MPC2: variants seen among roughly 807,000 people sequenced by gnomAD.
MPC2 encodes the protein mitochondrial pyruvate carrier 2.
MPC2 carries 19 observed loss-of-function variants against 19.2 expected under a neutral mutation model. The observed-to-expected ratio is 0.99, with a 90% CI of 0.69 to 1.45. MPC2 has a LOEUF of 1.45. MPC2 is among the 40% of genes most tolerant of loss of function. The probability of loss-of-function intolerance (pLI) is 0.00; values close to 1 mark genes in which losing one functional copy is unlikely to be tolerated. For missense variants in MPC2, 122 were observed against 153.0 expected (o/e 0.80, Z 1.07); for synonymous variants, 61 against 54.3 (o/e 1.12, Z -0.54).
At chr1:167,928,319 G>GAA (rs34157542) in intron 2 of MPC2, among the ~76,000 whole-genome samples, 65 of 91,474 alleles carry the variant, frequency 7.1e-4, no homozygotes, top group African/African-American at 1.7e-3. Flanking sequence ...CTGCACTCCA[G>GAA]AAAAAAAAAA....
At position 167,920,021 on chromosome 1, in the gene MPC2, A is replaced by G; in HGVS notation, c.305T>C (p.Phe102Ser). The G allele has an allele frequency of 6.2e-7, 1 of 1,613,794 alleles. No homozygotes were observed. The highest frequency in any genetic ancestry group is 8.5e-7 in the Non-Finnish European group (1 of 1,179,828). The part of the protein sequence containing the change: ...KNWSLFAVNF[F>S]VGAAGASQLF... ...CTGAGAGGCTCCTGCTGCCCCCACAAAGAAATTAACAGCAAACAGACTCCA... is the reference window on the plus strand; with the variant it reads ...CTGAGAGGCTCCTGCTGCCCCCACAGAGAAATTAACAGCAAACAGACTCCA... Residue 102 changes from phenylalanine to serine, a missense_variant, in exon 5 of 6, where the codon TTT becomes TCT. Coordinates refer to ENST00000271373, the MANE Select transcript of MPC2 (RefSeq NM_001143674.4).
chr1:167,936,706 GGA>G, intron 1 of MPC2: 1 of 575,010 alleles, frequency 1.7e-6, no homozygotes, highest in Non-Finnish European at 3.1e-6. Context: ...AGTCTAAGAA[GGA>G]GAGTATGAGG....
At chr1:167,924,453 A>G (rs1172019167) in intron 3 of MPC2, 44 bp downstream of exon 3, 18 of 1,530,986 alleles carry the variant, frequency 1.2e-5, no homozygotes, top group Non-Finnish European at 1.6e-5. Flanking sequence ...ATTCCTATTA[A>G]GGAATTTGTC....
chr1:167,918,224 TA>T lies in MPC2; in HGVS notation c.*98del. On this transcript the variant is annotated 3_prime_UTR_variant, in exon 6 of 6. Transcript: ENST00000271373. ...ACTAGCTACCAGTTACAGTGCCTTC[TA>T]AACACACAGTTAGCTTTGCTTTATC... The T allele has an allele frequency of 1.0e-6, 1 of 985,742 alleles. No homozygotes were observed. The highest frequency in any genetic ancestry group is 1.5e-6 in the Non-Finnish European group (1 of 661,936). 61.1% of individuals were successfully genotyped at this position (985,742 alleles called of 1,614,324 possible).
chr1:167,932,902 C>T (rs1670951186), intron 2 of MPC2, among the ~76,000 whole-genome samples: 1 of 151,380 alleles, frequency 6.6e-6, no homozygotes, highest in Admixed American at 6.6e-5. Context: ...CACTGGAGTA[C>T]AGCTATGCAA....
At chr1:167,934,809 C>A (rs189911607) in intron 2 of MPC2, among the ~76,000 whole-genome samples, 8 of 152,296 alleles carry the variant, frequency 5.3e-5, no homozygotes, top group African/African-American at 1.9e-4. Flanking sequence ...AGGCTTGAAA[C>A]AGACCTCAGA....
chr1:167,919,883 G>A (rs1428751829), intron 5 of MPC2, 96 bp downstream of exon 5: 4 of 711,490 alleles, frequency 5.6e-6, no homozygotes, highest in Non-Finnish European at 9.5e-6. Context: ...TCTCCAGCCT[G>A]GGCAACAGAG....
intron 2 of MPC2, among the ~76,000 whole-genome samples, chr1:167,930,287 A>G (rs1156910700): frequency 6.6e-6 from 1 of 152,222 alleles, no homozygotes; most frequent in African/African-American, 2.4e-5. Flanking sequence ...AATAGCTAAG[A>G]TGCATTGTAG....
At chr1:167,924,071 A>C (rs868081032) in intron 3 of MPC2, among the ~76,000 whole-genome samples, 1 of 152,210 alleles carries the variant, frequency 6.6e-6, no homozygotes, top group Non-Finnish European at 1.5e-5. Flanking sequence ...AAATGCTAAT[A>C]TTTATATTCG....
At chr1:167,926,711 CAG>C (rs984651405) in intron 2 of MPC2, among the ~76,000 whole-genome samples, 2 of 152,282 alleles carry the variant, frequency 1.3e-5, no homozygotes, top group African/African-American at 4.8e-5. Flanking sequence ...CAGCCGCTCC[CAG>C]AAAGTAGAGG....
At chr1:167,928,564 C>T (rs1279698514) in intron 2 of MPC2, among the ~76,000 whole-genome samples, 2 of 152,146 alleles carry the variant, frequency 1.3e-5, no homozygotes, top group Admixed American at 1.3e-4. Context: ...TTCCAACTTA[C>T]TTCAACATTT....
At chr1:167,925,209 C>T (rs1670702686) in intron 2 of MPC2, among the ~76,000 whole-genome samples, 1 of 151,896 alleles carries the variant, frequency 6.6e-6, no homozygotes, top group Non-Finnish European at 1.5e-5. Context: ...TACCACAGTA[C>T]ATTTTACATA....
chr1:167,936,101 C>A, intron 1 of MPC2: 1 of 545,282 alleles, frequency 1.8e-6, no homozygotes. Flanking sequence ...GAGGGAGGAG[C>A]CATGGCAACA....
At chr1:167,922,994 G>T (rs1396175260) in intron 3 of MPC2, among the ~76,000 whole-genome samples, 1 of 152,054 alleles carries the variant, frequency 6.6e-6, no homozygotes, top group Non-Finnish European at 1.5e-5. Flanking sequence ...TAAAAACAAA[G>T]ATATCTAACA....
In MPC2 at chr1:167,920,560, A is replaced by T. The variant is rs1240856111; in HGVS notation, c.222T>A (p.Val74=). The T allele has an allele frequency of 4.3e-6, 7 of 1,613,956 alleles. No homozygotes were observed. The South Asian group carries it at 7.7e-5, about 18-fold the overall frequency. The change falls in exon 4 of 6, where the codon GTT becomes GTA. Residue 74 remains valine (V), a synonymous_variant. Coordinates refer to ENST00000271373, the MANE Select transcript of MPC2 (RefSeq NM_001143674.4). ...TATTTAATTTACCTGTAGCCATCAA[A>T]ACAGCAGATTGAGCTGTGCTAAGTT... ...AEKLSTAQSA[V]LMATGFIWSR... is the part of the protein sequence containing the mutation.
chr1:167,925,442 C>CACACATAT (rs1553200803), intron 2 of MPC2, among the ~76,000 whole-genome samples: 1 of 82,476 alleles, frequency 1.2e-5, no homozygotes, highest in East Asian at 3.0e-4. Flanking sequence ...TACATATACA[C>CACACATAT]ATATATATAT....
intron 5 of MPC2, among the ~76,000 whole-genome samples, chr1:167,919,146 AAGGTAAAATATACTT>A (rs1362046288): frequency 1.3e-5 from 2 of 152,224 alleles, no homozygotes; most frequent in Admixed American, 1.3e-4. Flanking sequence ...TCTAACCACT[AAGGTAAAATATACTT>A]CTGTGATGCA....
chr1:167,931,944 TTAAAG>T (rs1211508225), intron 2 of MPC2, among the ~76,000 whole-genome samples: 1 of 152,210 alleles, frequency 6.6e-6, no homozygotes, highest in African/African-American at 2.4e-5. Flanking sequence ...TATTTAGACT[TTAAAG>T]TAACTTTTCC....
chr1:167,922,270 T>G (rs1256633192), intron 3 of MPC2, among the ~76,000 whole-genome samples: 1 of 152,136 alleles, frequency 6.6e-6, no homozygotes, highest in Non-Finnish European at 1.5e-5. Context: ...AAGAGACAGA[T>G]AGTCAAGAAG....
Sources: allele counts gnomAD v4.1 joint callset (sites outside exome capture counted in the v4.1 genomes callset), GRCh38; gene constraint gnomAD v4.1.1; transcripts MANE v1.5; gene names NCBI Gene and HGNC (gene_info 2026-07-23, HGNC 2026-07-21).